ADAMTSL2: variants seen among roughly 807,000 people sequenced by gnomAD.
ADAMTSL2 encodes ADAMTS-like protein 2.
A neutral mutation model predicts 117.0 loss-of-function variants in ADAMTSL2; 55 were observed. That is an observed-to-expected ratio of 0.47 (90% CI 0.38 to 0.59). ADAMTSL2 has a LOEUF of 0.59. Ranked by LOEUF, ADAMTSL2 falls within the 20% of genes least tolerant of loss-of-function variation. The pLI, the probability that ADAMTSL2 is intolerant of heterozygous loss-of-function variation, is 0.00. For missense variants in ADAMTSL2, 1,182 were observed against 1,354.5 expected (o/e 0.87, Z 2.00); for synonymous variants, 572 against 566.4 (o/e 1.01, Z -0.14).
At chr9:133,568,564 G>A in intron 14 of ADAMTSL2, 39 bp from the exon 15 acceptor site, 1 of 1,555,560 alleles carries the variant, frequency 6.4e-7, no homozygotes, top group Non-Finnish European at 8.7e-7. Context: ...GGCTACACCT[G>A]TGTCACACCC....
rs1007238990 is a variant in ADAMTSL2, at chr9:133,546,762, A to G, written c.764-276A>G. Among the ~76,000 whole-genome samples, 4 of 152,220 alleles carry G rather than the reference A, an allele frequency of 2.6e-5. No homozygotes were observed. The South Asian group carries it at 6.2e-4, about 24-fold the overall frequency. On this transcript the variant is annotated intron_variant, in intron 8 of 18. Coordinates refer to ENST00000651351, the MANE Select transcript of ADAMTSL2 (RefSeq NM_014694.4). ...TACCTTGCAGCCCCTCAGCTTCTTC[A>G]CAGGTAGCCACAAGAACAGGACCAA... is the stretch of plus-strand genomic sequence containing the variant.
At chr9:133,559,274 T>C (rs1442166511) in intron 11 of ADAMTSL2, among the ~76,000 whole-genome samples, 44 of 152,140 alleles carry the variant, frequency 2.9e-4, no homozygotes, top group Admixed American at 2.8e-3. Context: ...GTGGCCCCCA[T>C]TGGGGCAGTT....
chr9:133,559,786 C>T (rs1411791171), intron 11 of ADAMTSL2, among the ~76,000 whole-genome samples: 3 of 152,154 alleles, frequency 2.0e-5, no homozygotes, highest in African/African-American at 4.8e-5. Context: ...TTTGAAGAAA[C>T]AGTGGGACCA....
chr9:133,541,076 G>A, intron 7 of ADAMTSL2, 75 bp downstream of exon 7: 1 of 1,555,190 alleles, frequency 6.4e-7, no homozygotes, highest in Non-Finnish European at 8.7e-7. Context: ...GCTCCTGTCT[G>A]CAGCCTCCTG....
chr9:133,574,405 G>A (rs969796791), intron 18 of ADAMTSL2, among the ~76,000 whole-genome samples: 1 of 152,178 alleles, frequency 6.6e-6, no homozygotes, highest in Non-Finnish European at 1.5e-5. Flanking sequence ...GGTGCCAGGT[G>A]CAGGGCACGT....
Position 133,568,313 on chromosome 9 carries a change from G to A in ADAMTSL2, c.1915G>A (p.Gly639Arg), listed in dbSNP as rs1831023597. Residue 639 changes from glycine (G) to arginine (R), a missense_variant, in exon 14 of 19, where the codon GGA becomes AGA. Gly to Arg is a moderately radical substitution (Grantham distance 125). Around this residue, in one of 3 missense-constraint regions of ADAMTSL2, gnomAD observed 465 missense variants for 565.3 expected, o/e 0.82. Transcript: ENST00000651351. ...CTGGAGCGAGTGTTCGCGCACCTGC[G>A]GAGAGGGCTACCAGTTCCGCGTCGT... is the stretch of plus-strand genomic sequence containing the variant. ...SSWSECSRTC[G>R]EGYQFRVVRC... The A allele has an allele frequency of 1.9e-5, 30 of 1,580,314 alleles. No individual in the cohort carries two copies. Among genetic ancestry groups the A allele is most frequent in the African/African-American group, 2.7e-5 (2 of 74,224 alleles).
At chr9:133,540,071 C>T (rs777142239) in intron 5 of ADAMTSL2, among the ~76,000 whole-genome samples, 198 bp downstream of exon 5, 4 of 152,174 alleles carry the variant, frequency 2.6e-5, no homozygotes, top group African/African-American at 4.8e-5. Flanking sequence ...ATGACATCAA[C>T]GCAGGACAGA....
intron 12 of ADAMTSL2, among the ~76,000 whole-genome samples, chr9:133,562,561 C>T (rs1390685430): frequency 9.8e-6 from 1 of 102,478 alleles, no homozygotes; most frequent in Non-Finnish European, 2.1e-5. Flanking sequence ...CCGTGGGCGG[C>T]GTGGCGGGCA....
chr9:133,565,545 A>G (rs1830948570), intron 12 of ADAMTSL2, among the ~76,000 whole-genome samples: 1 of 152,190 alleles, frequency 6.6e-6, no homozygotes, highest in Non-Finnish European at 1.5e-5. Context: ...CCCTCAGAGA[A>G]GGCTAAAGGC....
intron 7 of ADAMTSL2, 64 bp downstream of exon 7, chr9:133,541,065 T>C (rs1830211786): frequency 1.9e-6 from 3 of 1,566,552 alleles, no homozygotes; most frequent in Admixed American, 1.9e-5. Flanking sequence ...GTCCTGAGTG[T>C]GCTCCTGTCT....
chr9:133,533,074 C>A (rs76887162), upstream of ADAMTSL2, among the ~76,000 whole-genome samples: 326 of 152,190 alleles, frequency 2.1e-3, 11 homozygotes, highest in East Asian at 0.058. Context: ...CGAGGCCTGG[C>A]GGTCACCAGA....
At chr9:133,555,092 G>A (rs1338440201) in intron 10 of ADAMTSL2, among the ~76,000 whole-genome samples, 2 of 151,984 alleles carry the variant, frequency 1.3e-5, no homozygotes, top group Admixed American at 1.3e-4. Flanking sequence ...AGCTTCGGGG[G>A]CCCCAGGCGC....
intron 9 of ADAMTSL2, among the ~76,000 whole-genome samples, chr9:133,552,457 T>C (rs897536461): frequency 6.6e-6 from 1 of 152,206 alleles, no homozygotes; most frequent in Non-Finnish European, 1.5e-5. Flanking sequence ...CTTGGAGTGG[T>C]CCAGATGCCT....
intron 11 of ADAMTSL2, among the ~76,000 whole-genome samples, chr9:133,556,269 A>G (rs1166220212): frequency 6.6e-6 from 1 of 152,212 alleles, no homozygotes; most frequent in Admixed American, 6.5e-5. Context: ...AGAGCTCAGC[A>G]TTTTATATGC....
chr9:133,568,608 T>A lies in ADAMTSL2; in HGVS notation c.2094T>A (p.Thr698=), dbSNP rs1410137961. The part of the protein sequence containing the change: ...QWEMSEWSEC[T]AKCGERSVVT... ...CCCTCCCCCTGCCGCCCCAGTGCAC[T>A]GCCAAGTGTGGGGAGCGCAGTGTGG... The change falls in exon 15 of 19, where the codon ACT becomes ACA. Residue 698 remains threonine, a synonymous_variant. Coordinates refer to ENST00000651351, the MANE Select transcript of ADAMTSL2 (RefSeq NM_014694.4). The A allele has an allele frequency of 6.9e-6, 11 of 1,603,102 alleles. No homozygotes were observed. Among genetic ancestry groups the A allele is most frequent in the Non-Finnish European group, 9.4e-6 (11 of 1,175,524 alleles).
Position 133,569,481 on chromosome 9 carries a change from C to T in ADAMTSL2, c.2318C>T (p.Pro773Leu). 1 of 1,613,428 alleles carries T rather than the reference C, an allele frequency of 6.2e-7. No individual in the cohort carries two copies. The highest frequency in any genetic ancestry group is 8.5e-7 in the Non-Finnish European group (1 of 1,179,944). Residue 773 changes from proline (P) to leucine (L), a missense_variant, in exon 16 of 19, where the codon CCT becomes CTT. Around this residue, in one of 3 missense-constraint regions of ADAMTSL2, gnomAD observed 465 missense variants for 565.3 expected, o/e 0.82. Transcript: ENST00000651351. ...AAGACCAGCGACGGACGGGTAGTACCTGAGTCCCAGTGCCAGATGGAGACC... is the reference window on the plus strand; with the variant it reads ...AAGACCAGCGACGGACGGGTAGTACTTGAGTCCCAGTGCCAGATGGAGACC... ...YCKTSDGRVV[P>L]ESQCQMETKP...
chr9:133,535,077 G>C (rs974159513), intron 1 of ADAMTSL2, among the ~76,000 whole-genome samples, 160 bp downstream of exon 1: 1 of 152,186 alleles, frequency 6.6e-6, no homozygotes, highest in African/African-American at 2.4e-5. Context: ...GCACGGGGCA[G>C]GGTGGCCTCC....
upstream of ADAMTSL2, among the ~76,000 whole-genome samples, chr9:133,533,247 G>C (rs1002359855): frequency 3.3e-5 from 5 of 152,094 alleles, no homozygotes; most frequent in Non-Finnish European, 7.4e-5. Flanking sequence ...CGACCCCAGG[G>C]GGCAGTGTGG....
chr9:133,540,461 A>T, intron 5 of ADAMTSL2, 137 bp from the exon 6 acceptor site: 1 of 1,204,820 alleles, frequency 8.3e-7, no homozygotes, highest in Non-Finnish European at 1.2e-6. Context: ...AGACCTGGAC[A>T]GGTTCCTTCT....
Sources: gnomAD v4.1 joint callset for allele counts (sites outside exome capture counted in the v4.1 genomes callset) on GRCh38, gnomAD v4.1.1 for gene constraint, gnomAD v4.1.1 regional missense constraint, MANE v1.5 for transcripts, NCBI Gene and HGNC (gene_info 2026-07-23, HGNC 2026-07-21) for gene names.